KLHL33: variants seen among roughly 807,000 people sequenced by gnomAD.
KLHL33 encodes the protein kelch like family member 33.
A neutral mutation model predicts 60.8 loss-of-function variants in KLHL33; 46 were observed. The ratio of observed to expected loss-of-function variants is 0.76; its 90% confidence interval spans 0.60 to 0.97. The LOEUF (loss-of-function observed/expected upper bound fraction) is 0.97. Among genes scored for constraint, KLHL33 ranks in the 50% least tolerant of loss-of-function variants. KLHL33 has a pLI of 0.00. For synonymous variants in KLHL33, 434 were observed against 432.2 expected, an observed-to-expected ratio of 1.00 and a Z score of -0.05; for missense variants, 1,055 against 1,000.0, an observed-to-expected ratio of 1.05 and a Z score of -0.74.
chr14:20,429,957 CAGCGGA>C lies in KLHL33; in HGVS notation c.1505_1510del (p.Phe502_Arg503del), dbSNP rs1211168810. On this transcript the variant is annotated inframe_deletion, in exon 3 of 5. Transcript: ENST00000636854. ...AACAGTTCGTACCAGTCCCACGCCA[CAGCGGA>C]AGGCCCGGGCCCACCACACTGCTCG... 1 of 1,551,744 alleles carries C rather than the reference CAGCGGA, an allele frequency of 6.4e-7. No individual in the cohort carries two copies. Among genetic ancestry groups the C allele is most frequent in the Admixed American group, 2.0e-5 (1 of 51,012 alleles).
intron 2 of KLHL33, among the ~76,000 whole-genome samples, chr14:20,431,909 A>G (rs959608434): frequency 6.6e-6 from 1 of 152,202 alleles, no homozygotes; most frequent in African/African-American, 2.4e-5. Context: ...CCTCATGACA[A>G]TGAAACTGTC....
chr14:20,429,359 A>C lies in KLHL33; in HGVS notation c.1884T>G (p.Ala628=). The C allele has an allele frequency of 1.3e-6, 2 of 1,551,750 alleles. No homozygotes were observed. The highest frequency in any genetic ancestry group is 1.7e-6 in the Non-Finnish European group (2 of 1,147,002). The change falls in exon 5 of 5, where the codon GCT becomes GCG. Residue 628 remains alanine, a synonymous_variant. Transcript: ENST00000636854. ...ALPAPCFAHA[A]AILEGQLYVS... Reference sequence around the variant, plus strand: ...CGTACAACTGGCCCTCCAAAATCGCAGCTGCGTGGGCAAAACATGGTGCTG... The same window carrying C: ...CGTACAACTGGCCCTCCAAAATCGCCGCTGCGTGGGCAAAACATGGTGCTG...
At position 20,435,609 on chromosome 14, in the gene KLHL33, G is replaced by A; in HGVS notation, c.203C>T (p.Pro68Leu). ...CTCTTCTTCCTCTAGGGACAAGGCT[G>A]GAAAGGGAAGGTTCCTTGGGACCAG... ...RPLVPRNLPF[P>L]ALSLEEEEEE... Residue 68 changes from proline (P) to leucine (L), a missense_variant, in exon 2 of 5, where the codon CCA becomes CTA. Pro to Leu is a moderately conservative substitution (Grantham distance 98). Coordinates refer to ENST00000636854, the MANE Select transcript of KLHL33 (RefSeq NM_001365790.2). 8.1e-7 allele frequency: 1 copy of A among 1,234,706 alleles called. No homozygotes were observed. Among genetic ancestry groups the A allele is most frequent in the East Asian group, 3.2e-5 (1 of 31,708 alleles). 76.5% of individuals were successfully genotyped at this position (1,234,706 alleles called of 1,614,324 possible). A position where few individuals can be genotyped will look rare whatever the true frequency, so the allele number is the denominator to read the frequency against.
In KLHL33 at chr14:20,430,198, G is replaced by A. The variant is rs1286461933; in HGVS notation, c.1270C>T (p.Arg424Ter). ...TQESEAKALL[R>*]CVRFGRMSTR... ...GACATGCGGCCAAAGCGGACACATCGCAGCAGGGCCTTGGCCTCTGACTCC... is the reference window on the plus strand; with the variant it reads ...GACATGCGGCCAAAGCGGACACATCACAGCAGGGCCTTGGCCTCTGACTCC... Residue 424 changes from arginine (R) to a stop codon, truncating the protein, a stop_gained, in exon 3 of 5, where the codon CGA (arginine) becomes TGA (stop). Transcript: ENST00000636854. LOFTEE classifies it high-confidence loss of function. 14 of 1,551,538 alleles carry A rather than the reference G, an allele frequency of 9.0e-6. No individual in the cohort carries two copies. Among genetic ancestry groups the A allele is most frequent in the Non-Finnish European group, 1.1e-5 (13 of 1,146,998 alleles).
chr14:20,430,849 C>G, intron 2 of KLHL33, 130 bp from the exon 3 acceptor site: 1 of 630,110 alleles, frequency 1.6e-6, no homozygotes, highest in South Asian at 2.0e-5. Context: ...TGCTACAGAC[C>G]AAACTGTGGT....
Position 20,429,530 on chromosome 14 carries a change from T to C in KLHL33, c.1813A>G (p.Thr605Ala). The C allele has an allele frequency of 6.4e-7, 1 of 1,552,124 alleles. No homozygotes were observed. Among genetic ancestry groups the C allele is most frequent in the Non-Finnish European group, 8.7e-7 (1 of 1,147,080 alleles). ...HNDVALDSVE[T>A]YNPELNVWRP... ...CAGACATTGAGCTCAGGGTTGTAGG[T>C]CTCCACAGAGTCCAGGGCAACATCA... Residue 605 changes from threonine to alanine, a missense_variant, in exon 4 of 5, where the codon ACC (threonine) becomes GCC (alanine). Physicochemically the swap from Thr to Ala is moderately conservative, Grantham distance 58. Transcript: ENST00000636854.
In KLHL33 at chr14:20,429,848, CACAT is replaced by C. The variant is rs763436866; in HGVS notation, c.1616_1619del (p.Tyr539CysfsTer98). 4 of 1,551,302 alleles carry C rather than the reference CACAT, an allele frequency of 2.6e-6. No homozygotes were observed. In the South Asian group the frequency reaches 4.8e-5, roughly 18 times the overall value. On this transcript the variant is annotated frameshift_variant, in exon 3 of 5. Coordinates refer to ENST00000636854, the MANE Select transcript of KLHL33 (RefSeq NM_001365790.2). LOFTEE classifies it high-confidence loss of function. Reference sequence around the variant, plus strand: ...GACTGTAGAAATCTTGTCCCCCACACACATAGAGTTCACTTCCTGCCAGGCTTGC... The same window carrying C: ...GACTGTAGAAATCTTGTCCCCCACACAGAGTTCACTTCCTGCCAGGCTTGC...
At chr14:20,433,708 A>G (rs1210126217) in intron 2 of KLHL33, among the ~76,000 whole-genome samples, 1 of 152,254 alleles carries the variant, frequency 6.6e-6, no homozygotes, top group Non-Finnish European at 1.5e-5. Flanking sequence ...TGATATGAGT[A>G]TGCTTAAATT....
chr14:20,428,949 G>A lies in KLHL33; in HGVS notation c.2294C>T (p.Pro765Leu). Residue 765 changes from proline (P) to leucine (L), a missense_variant, in exon 5 of 5, where the codon CCA becomes CTA. By Grantham distance (98) the Pro-to-Leu change is moderately conservative (BLOSUM62 -3). Transcript: ENST00000636854. ...LGRWLCLGTL[P>L]RPRAEMPACI... Reference sequence around the variant, plus strand: ...GGCAGGCATCTCAGCCCGAGGCCTTGGCAGAGTTCCCAGGCAGAGCCATCG... The same window carrying A: ...GGCAGGCATCTCAGCCCGAGGCCTTAGCAGAGTTCCCAGGCAGAGCCATCG... 2 of 1,551,686 alleles carry A rather than the reference G, an allele frequency of 1.3e-6. No individual in the cohort carries two copies. The highest frequency in any genetic ancestry group is 1.7e-6 in the Non-Finnish European group (2 of 1,146,990).
chr14:20,429,202 C>T lies in KLHL33; in HGVS notation c.2041G>A (p.Gly681Ser), dbSNP rs1202636032. The part of the protein sequence containing the change: ...PRAGHVMAAL[G>S]GRLYVAGGLG... ...CCACCTGCCACATACAACCTCCCAC[C>T]CAATGCAGCCATGACATGGCCAGCC... Residue 681 changes from glycine to serine, a missense_variant, in exon 5 of 5, where the codon GGT becomes AGT. Gly to Ser is a moderately conservative substitution (Grantham distance 56). Transcript: ENST00000636854. The T allele has an allele frequency of 1.3e-6, 2 of 1,551,636 alleles. No individual in the cohort carries two copies. Among genetic ancestry groups the T allele is most frequent in the Non-Finnish European group, 1.7e-6 (2 of 1,146,978 alleles).
chr14:20,435,742 A>G lies in KLHL33; in HGVS notation c.70T>C (p.Cys24Arg). 4.9e-6 allele frequency: 6 copies of G among 1,234,644 alleles called. No homozygotes were observed. The highest frequency in any genetic ancestry group is 6.1e-6 in the Non-Finnish European group (6 of 988,370). 76.5% of individuals were successfully genotyped at this position (1,234,644 alleles called of 1,614,324 possible). ...ESVSHPVQRD[C>R]LGLLVHAQRT... is the part of the protein sequence containing the mutation. ...TGGGCGTGCACAAGGAGTCCAAGGCAGTCCCTCTGGACGGGATGAGAGACA... is the reference window on the plus strand; with the variant it reads ...TGGGCGTGCACAAGGAGTCCAAGGCGGTCCCTCTGGACGGGATGAGAGACA... Residue 24 changes from cysteine to arginine, a missense_variant, in exon 2 of 5, where the codon TGC becomes CGC. Cys to Arg is a radical substitution (Grantham distance 180). Transcript: ENST00000636854.
rs987247660 is a variant in KLHL33, at chr14:20,429,821, G to T, written c.1647C>A (p.His549Gln). Residue 549 changes from histidine to glutamine, a missense_variant, in exon 3 of 5, where the codon CAC (histidine) becomes CAA (glutamine). His to Gln is a conservative substitution (Grantham distance 24). Transcript: ENST00000636854. ...TGAGAGTTGAAGCCAGGGTGTTGGA[G>T]TGACTGTAGAAATCTTGTCCCCCAC... ...YVCGGQDFYSHSNTLASTLRW... is the reference protein window; with the variant it reads ...YVCGGQDFYSQSNTLASTLRW... 3.2e-6 allele frequency: 5 copies of T among 1,545,312 alleles called. No homozygotes were observed. In the African/African-American group the frequency reaches 6.9e-5, roughly 21 times the overall value.
Position 20,428,941 on chromosome 14 carries a change from G to A in KLHL33, c.2302C>T (p.Arg768Trp), listed in dbSNP as rs917607044. ...AGGATGCAGGCAGGCATCTCAGCCCGAGGCCTTGGCAGAGTTCCCAGGCAG... is the reference window on the plus strand; with the variant it reads ...AGGATGCAGGCAGGCATCTCAGCCCAAGGCCTTGGCAGAGTTCCCAGGCAG... Reference protein sequence around the residue: ...WLCLGTLPRPRAEMPACILTL... With the variant: ...WLCLGTLPRPWAEMPACILTL... The change falls in exon 5 of 5, where the codon CGG (arginine) becomes TGG (tryptophan). Residue 768 changes from arginine (R) to tryptophan (W), a missense_variant. Transcript: ENST00000636854. 2.9e-5 allele frequency: 45 copies of A among 1,551,624 alleles called. No homozygotes were observed. Among genetic ancestry groups the A allele is most frequent in the African/African-American group, 4.1e-5 (3 of 73,056 alleles).
At position 20,432,988 on chromosome 14, in the gene KLHL33, G is replaced by GAAAGAA. The variant is rs1566501950; in HGVS notation, c.748+2075_748+2076insTTCTTT. ...AAAGAAAGAAAGAAAGAAAGAAAGA[G>GAAAGAA]AGAAATTACTATTAATTTTGTCGTG... On this transcript the variant is annotated intron_variant, in intron 2 of 4. Coordinates refer to ENST00000636854, the MANE Select transcript of KLHL33 (RefSeq NM_001365790.2). Among the ~76,000 whole-genome samples the GAAAGAA allele has an allele frequency of 2.8e-4, 17 of 60,202 alleles. No individual in the cohort carries two copies. The South Asian group carries it at 4.8e-3, about 17-fold the overall frequency. The allele number at this position is 60,202 out of a possible 152,430, so 39.5% of individuals were successfully genotyped here. A position where few individuals can be genotyped will look rare whatever the true frequency, so the allele number is the denominator to read the frequency against.
rs1390627261 is a variant in KLHL33, at chr14:20,432,960, A to AAGAAAGAAAGAAAGAG, written c.748+2103_748+2104insCTCTTTCTTTCTTTCT. ...AAAGAAAGAAAGAAAGAAAGAAAGA[A>AAGAAAGAAAGAAAGAG]AGAAAGAAAGAAAGAAAGAAAGAAA... On this transcript the variant is annotated intron_variant, in intron 2 of 4. Coordinates refer to ENST00000636854, the MANE Select transcript of KLHL33 (RefSeq NM_001365790.2). Among the ~76,000 whole-genome samples, 149 of 151,650 alleles carry AAGAAAGAAAGAAAGAG rather than the reference A, an allele frequency of 9.8e-4. 2 individuals are homozygous for AAGAAAGAAAGAAAGAG. The highest frequency in any genetic ancestry group is 3.0e-3 in the African/African-American group (126 of 41,328).
At chr14:20,429,440 C>T in intron 4 of KLHL33, 39 bp from the exon 5 acceptor site, 1 of 1,549,878 alleles carries the variant, frequency 6.5e-7, no homozygotes, top group Non-Finnish European at 8.7e-7. Context: ...CAACTAGCAT[C>T]TTCAACTCTC....
Position 20,426,510 on chromosome 14 carries a change from A to AAAG in KLHL33, c.*2338_*2339insCTT, listed in dbSNP as rs57298924. ...ACTCTGTCTCAAAAAAAAAAAAAAA[A>AAAG]AAAAGAAAAAGAAAATTGACAACAG... On this transcript the variant is annotated 3_prime_UTR_variant, in exon 5 of 5. Transcript: ENST00000636854. 2.8e-5 allele frequency: 4 copies of AAAG among 144,740 alleles called. No individual in the cohort carries two copies. The highest frequency in any genetic ancestry group is 4.5e-5 in the Non-Finnish European group (3 of 66,838). The allele number at this position is 144,740 out of a possible 1,614,324, so 9.0% of individuals were successfully genotyped here.
intron 2 of KLHL33, among the ~76,000 whole-genome samples, chr14:20,433,116 C>T (rs561768828): frequency 1.3e-5 from 2 of 151,910 alleles, no homozygotes; most frequent in Non-Finnish European, 2.9e-5. Flanking sequence ...AGATACATAC[C>T]CAAATACTTA....
chr14:20,430,241 A>G lies in KLHL33; in HGVS notation c.1227T>C (p.Ala409=). The G allele has an allele frequency of 6.4e-7, 1 of 1,551,608 alleles. No individual in the cohort carries two copies. Among genetic ancestry groups the G allele is most frequent in the Non-Finnish European group, 8.7e-7 (1 of 1,146,974 alleles). The part of the protein sequence containing the change: ...EAFVAARCWL[A]ANPETQESEA... ...CTGACTCCTGGGTCTCGGGGTTGGC[A>G]GCCAGCCAACACCGTGCAGCCACAA... Residue 409 remains alanine (A), a synonymous_variant, in exon 3 of 5, where the codon GCT becomes GCC. Transcript: ENST00000636854.
Sources: allele counts gnomAD v4.1 joint callset (sites outside exome capture counted in the v4.1 genomes callset), GRCh38; gene constraint gnomAD v4.1.1; transcripts MANE v1.5; gene names NCBI Gene and HGNC (gene_info 2026-07-23, HGNC 2026-07-21).